GPR89A: variants seen among roughly 807,000 people sequenced by gnomAD.
GPR89A encodes the protein G protein-coupled receptor 89A.
In GPR89A, 16 loss-of-function variants were observed where a neutral mutation model predicts 52.0. The observed-to-expected ratio is 0.31, with a 90% confidence interval of 0.21 to 0.47. The LOEUF is 0.47. Among genes scored for constraint, GPR89A ranks in the 20% least tolerant of loss-of-function variants. GPR89A has a pLI of 1.00. For missense variants in GPR89A, 135 were observed against 449.4 expected, an observed-to-expected ratio of 0.30 and a Z score of 6.33; for synonymous variants, 55 against 150.9, an observed-to-expected ratio of 0.36 and a Z score of 4.66.
intron 10 of GPR89A, among the ~76,000 whole-genome samples, chr1:145,656,064 A>C (rs1193495750): frequency 6.6e-6 from 1 of 152,036 alleles, no homozygotes; most frequent in South Asian, 2.1e-4. Context: ...GTCTGGCCAC[A>C]GTCTGCCACT....
chr1:145,626,311 A>G (rs1225858084), intron 5 of GPR89A, among the ~76,000 whole-genome samples: 6 of 152,026 alleles, frequency 3.9e-5, no homozygotes, highest in African/African-American at 1.5e-4. Flanking sequence ...TTCAGCTCAC[A>G]TGACCAGTGC....
chr1:145,616,989 A>G, intron 2 of GPR89A, among the ~76,000 whole-genome samples: 1 of 152,334 alleles, frequency 6.6e-6, no homozygotes, highest in South Asian at 2.1e-4. Flanking sequence ...CCCACTGTGC[A>G]CACATTGTCT....
intron 1 of GPR89A, among the ~76,000 whole-genome samples, chr1:145,612,629 A>G (rs1251634461): frequency 1.3e-5 from 2 of 152,162 alleles, no homozygotes; most frequent in Admixed American, 6.5e-5. Context: ...TTATAAGATT[A>G]TAATGCTAAG....
chr1:145,666,869 C>T (rs1381720198), intron 12 of GPR89A, among the ~76,000 whole-genome samples: 4 of 152,036 alleles, frequency 2.6e-5, no homozygotes, highest in African/African-American at 9.7e-5. Flanking sequence ...CATGTCCCTA[C>T]AAAGGACATG....
At chr1:145,617,493 A>G (rs1275233676) in intron 2 of GPR89A, among the ~76,000 whole-genome samples, 1 of 151,924 alleles carries the variant, frequency 6.6e-6, no homozygotes, top group Non-Finnish European at 1.5e-5. Flanking sequence ...TTAAGAGATT[A>G]AAGTAAGACA....
intron 7 of GPR89A, among the ~76,000 whole-genome samples, chr1:145,634,796 C>T (rs1298316987): frequency 2.0e-5 from 3 of 151,510 alleles, no homozygotes; most frequent in African/African-American, 7.3e-5. Context: ...ATAGTCTCTA[C>T]AGTACAATCA....
chr1:145,668,928 TC>T (rs1263536575), intron 12 of GPR89A, among the ~76,000 whole-genome samples: 1 of 152,194 alleles, frequency 6.6e-6, no homozygotes, highest in Non-Finnish European at 1.5e-5. Context: ...GCCCATTTGA[TC>T]ATGGCAGATA....
chr1:145,636,873 A>G (rs1650275560), intron 7 of GPR89A, among the ~76,000 whole-genome samples: 1 of 152,200 alleles, frequency 6.6e-6, no homozygotes, highest in Non-Finnish European at 1.5e-5. Flanking sequence ...CCCCCCTGCC[A>G]GCACCCACTC....
At chr1:145,646,724 T>A (rs1553692613) in intron 9 of GPR89A, 3 of 220,458 alleles carry the variant, frequency 1.4e-5, no homozygotes, top group South Asian at 7.6e-5. Context: ...AAAATATAAT[T>A]TAAATGTGCA....
intron 1 of GPR89A, among the ~76,000 whole-genome samples, chr1:145,612,601 C>T (rs1411933562): frequency 4.6e-5 from 7 of 152,164 alleles, no homozygotes; most frequent in Admixed American, 3.9e-4. Context: ...AACCACTGTA[C>T]TGAGTTTTTA....
At chr1:145,623,191 A>C in intron 4 of GPR89A, 31 bp downstream of exon 4, 2 of 1,612,424 alleles carry the variant, frequency 1.2e-6, no homozygotes, top group Non-Finnish European at 1.7e-6. Flanking sequence ...GTCAGCATAT[A>C]GATTGAGATG....
intron 5 of GPR89A, among the ~76,000 whole-genome samples, chr1:145,627,954 AT>A (rs1388333392): frequency 1.3e-5 from 2 of 150,576 alleles, no homozygotes; most frequent in Admixed American, 1.3e-4. Flanking sequence ...TAGTGTATAG[AT>A]TTTATTGTTA....
chr1:145,666,885 A>C (rs1461599892), intron 12 of GPR89A, among the ~76,000 whole-genome samples: 1 of 151,844 alleles, frequency 6.6e-6, no homozygotes, highest in Non-Finnish European at 1.5e-5. Flanking sequence ...ACATGAACTC[A>C]TCCTTTTTTG....
rs1302927722 is a variant in GPR89A at position 145,662,194 on chromosome 1, G to A, written c.910-1135G>A. 1.5e-4 allele frequency among the ~76,000 whole-genome samples: 23 copies of A among 152,168 alleles called. 1 individual carries two copies. The highest frequency in any genetic ancestry group is 4.1e-4 in the African/African-American group (17 of 41,540). ...TAATTTTATCAGTTATTGAGAGAGG[G>A]GATCCAGCTATTGTGGATTTGTCCA... On this transcript the variant is annotated intron_variant, in intron 10 of 13. Coordinates refer to ENST00000313835, the MANE Select transcript of GPR89A (RefSeq NM_001097612.2).
At chr1:145,641,648 A>AT in intron 7 of GPR89A, among the ~76,000 whole-genome samples, 2 of 152,242 alleles carry the variant, frequency 1.3e-5, no homozygotes, top group South Asian at 4.1e-4. Flanking sequence ...CTCAGTAGAC[A>AT]TTTTTTAGCT....
At chr1:145,611,492 C>G (rs1381106144) in intron 1 of GPR89A, 1 of 152,104 alleles carries the variant, frequency 6.6e-6, no homozygotes, top group Non-Finnish European at 1.5e-5. Context: ...TGGCCTCTAG[C>G]TGCATCTATG....
chr1:145,639,608 A>G (rs1474149155), intron 7 of GPR89A, among the ~76,000 whole-genome samples: 12 of 151,468 alleles, frequency 7.9e-5, no homozygotes, highest in African/African-American at 2.7e-4. Context: ...TTAGCTGGAC[A>G]TGGTGGCATG....
At chr1:145,658,111 A>G (rs1651936241) in intron 10 of GPR89A, among the ~76,000 whole-genome samples, 1 of 151,800 alleles carries the variant, frequency 6.6e-6, no homozygotes, top group Middle Eastern at 3.2e-3. Context: ...TATAAATGGA[A>G]TCACATAATT....
chr1:145,617,358 T>C (rs1169342980), intron 2 of GPR89A, among the ~76,000 whole-genome samples: 6 of 152,300 alleles, frequency 3.9e-5, no homozygotes, highest in Non-Finnish European at 5.9e-5. Context: ...TATTCTGTTC[T>C]TTTTCAGGGT....
Sources: allele counts gnomAD v4.1 joint callset (sites outside exome capture counted in the v4.1 genomes callset), GRCh38; gene constraint gnomAD v4.1.1; transcripts MANE v1.5; gene names NCBI Gene and HGNC (gene_info 2026-07-23, HGNC 2026-07-21).